The following GNPDA2 variants were observed in gnomAD, a reference collection of about 807,000 sequenced individuals.
GNPDA2 encodes the protein glucosamine-6-phosphate deaminase 2.
A neutral mutation model predicts 27.0 loss-of-function variants in GNPDA2; 24 were observed. The ratio of observed to expected loss-of-function variants is 0.89; its 90% CI spans 0.64 to 1.25. The LOEUF (loss-of-function observed/expected upper bound fraction) is 1.25, where lower values mean the gene tolerates loss of function less well. Ranked by LOEUF, GNPDA2 falls within the 50% of genes most tolerant of loss-of-function variation. The pLI is 0.00. For synonymous variants in GNPDA2, 94 were observed against 108.4 expected, an observed-to-expected ratio of 0.87 and a Z score of 0.83; for missense variants, 286 against 335.1, an observed-to-expected ratio of 0.85 and a Z score of 1.14.
intron 4 of GNPDA2, chr4:44,714,508 T>C (rs1319886743): frequency 7.1e-6 from 7 of 985,290 alleles, no homozygotes; most frequent in Admixed American, 6.2e-5. Context: ...TGAGCTCTTC[T>C]CATTCTACTG....
In GNPDA2 at chr4:44,705,714, AC is replaced by A. The variant is rs760283938; in HGVS notation, c.769+2037del. 3.3e-5 allele frequency: 5 copies of A among 152,832 alleles called. No individual in the cohort carries two copies. The South Asian group carries it at 6.2e-4, about 19-fold the overall frequency. 9.5% of individuals were successfully genotyped at this position (152,832 alleles called of 1,614,324 possible). A position where few individuals can be genotyped will look rare whatever the true frequency, so the allele number is the denominator to read the frequency against. On this transcript the variant is annotated intron_variant, in intron 6 of 6. Transcript: ENST00000295448. ...TCTGGGAGGCAGTATAATAGAATAG[AC>A]AAAAGCCTGCATACTCCAGAGATCA...
rs1716341197 is a variant in GNPDA2 at position 44,702,531 on chromosome 4, T to A, written c.*550A>T. The A allele has an allele frequency of 1.0e-6, 1 of 986,362 alleles. No individual in the cohort carries two copies. Among genetic ancestry groups the A allele is most frequent in the African/African-American group, 1.7e-5 (1 of 57,380 alleles). The allele number at this position is 986,362 out of a possible 1,614,324, so 61.1% of individuals were successfully genotyped here. On this transcript the variant is annotated 3_prime_UTR_variant, in exon 7 of 7. Transcript: ENST00000295448. ...TAAACTGTACTTTTAGGCACTGTCA[T>A]CTCTTCAAATTTCCTTTACCAATGA... is the stretch of plus-strand genomic sequence containing the variant.
intron 2 of GNPDA2, 110 bp downstream of exon 2, chr4:44,721,974 T>G (rs1717698716): frequency 1.3e-6 from 1 of 798,502 alleles, no homozygotes. Flanking sequence ...GTTCAATTAG[T>G]GACATGCCAA....
chr4:44,724,719 G>A (rs948715729), intron 1 of GNPDA2, among the ~76,000 whole-genome samples: 2 of 152,096 alleles, frequency 1.3e-5, no homozygotes, highest in South Asian at 2.1e-4. Context: ...TAAAATAAAT[G>A]TATGGAATCT....
chr4:44,711,152 A>G lies in GNPDA2; in HGVS notation c.410-15T>C, dbSNP rs201422088. On this transcript the variant is annotated splice_polypyrimidine_tract_variant and intron_variant, in intron 4 of 6. Coordinates refer to ENST00000295448, the MANE Select transcript of GNPDA2 (RefSeq NM_138335.3). ...TGGACCAATTCCTTTCAAAAGAAAT[A>G]TACATACATATACACATGAAGTAAA... is the stretch of plus-strand genomic sequence containing the variant. The G allele has an allele frequency of 6.8e-7, 1 of 1,477,300 alleles. No individual in the cohort carries two copies. Among genetic ancestry groups the G allele is most frequent in the Admixed American group, 2.3e-5 (1 of 43,102 alleles). The allele number at this position is 1,477,300 out of a possible 1,614,324, so 91.5% of individuals were successfully genotyped here. A position where few individuals can be genotyped will look rare whatever the true frequency, so the allele number is the denominator to read the frequency against.
In GNPDA2 at chr4:44,710,337, A is replaced by G. The variant is rs115145914; in HGVS notation, c.594+616T>C. Among the ~76,000 whole-genome samples, 475 of 152,244 alleles carry G rather than the reference A, an allele frequency of 3.1e-3. 2 individuals are homozygous for G. Among genetic ancestry groups the G allele is most frequent in the African/African-American group, 0.011 (451 of 41,536 alleles). On this transcript the variant is annotated intron_variant, in intron 5 of 6. Coordinates refer to ENST00000295448, the MANE Select transcript of GNPDA2 (RefSeq NM_138335.3). The stretch of plus-strand genomic sequence containing the variant: ...AAGGAACAGAGTTCTGGGTTTCCAT[A>G]TAATTTAACTACATATAACCACGAA...
At chr4:44,705,258 A>T (rs1040095761) in intron 6 of GNPDA2, 1 of 981,284 alleles carries the variant, frequency 1.0e-6, no homozygotes, top group African/African-American at 1.7e-5. Flanking sequence ...TATGAAAAGT[A>T]TACAAACTAC....
chr4:44,721,258 C>T (rs554485283), intron 2 of GNPDA2, among the ~76,000 whole-genome samples: 58 of 152,232 alleles, frequency 3.8e-4, no homozygotes, highest in African/African-American at 1.3e-3. Flanking sequence ...ATAAAACACA[C>T]GGGAACTATA....
intron 4 of GNPDA2, among the ~76,000 whole-genome samples, chr4:44,713,433 T>A (rs1717092030): frequency 6.6e-6 from 1 of 152,216 alleles, no homozygotes; most frequent in Non-Finnish European, 1.5e-5. Flanking sequence ...TAACTTTTCC[T>A]TCAGTTTGTG....
chr4:44,719,464 C>T (rs1050221296), intron 2 of GNPDA2, among the ~76,000 whole-genome samples: 1 of 152,006 alleles, frequency 6.6e-6, no homozygotes, highest in African/African-American at 2.4e-5. Flanking sequence ...AAATACCACA[C>T]AGCAGAAGAA....
intron 6 of GNPDA2, chr4:44,703,578 G>A (rs1133648): frequency 0.62 from 603,410 of 979,910 alleles, 188,298 homozygotes; most frequent in Non-Finnish European, 0.64. Flanking sequence ...CTATCCATTC[G>A]TCTGGTAAAT....
intron 2 of GNPDA2, among the ~76,000 whole-genome samples, chr4:44,721,061 A>C (rs1717633121): frequency 6.6e-6 from 1 of 151,898 alleles, no homozygotes; most frequent in African/African-American, 2.4e-5. Flanking sequence ...CCAGTGAAAA[A>C]AAAAAAACCC....
At chr4:44,716,608 ATTAAC>A (rs1717307985) in intron 4 of GNPDA2, among the ~76,000 whole-genome samples, 1 of 151,922 alleles carries the variant, frequency 6.6e-6, no homozygotes, top group Non-Finnish European at 1.5e-5. Context: ...CTTAACTCAT[ATTAAC>A]TTAAGGCTGG....
At chr4:44,707,464 T>G (rs1716677069) in intron 6 of GNPDA2, 1 of 394,862 alleles carries the variant, frequency 2.5e-6, no homozygotes, top group African/African-American at 2.1e-5. Flanking sequence ...TTGGGTTATT[T>G]GGTCTTGTAT....
chr4:44,703,647 T>G (rs558241112), intron 6 of GNPDA2: 4 of 984,034 alleles, frequency 4.1e-6, no homozygotes, highest in Middle Eastern at 5.2e-4. Context: ...AATTCTACAC[T>G]GAGGGAGGGT....
intron 6 of GNPDA2, chr4:44,706,922 C>T (rs1716642045): frequency 6.6e-6 from 1 of 151,992 alleles, no homozygotes; most frequent in Non-Finnish European, 1.5e-5. Flanking sequence ...CATAGTGAAT[C>T]ACTGACCTAT....
chr4:44,716,064 G>A (rs1412838769), intron 4 of GNPDA2, among the ~76,000 whole-genome samples: 1 of 151,890 alleles, frequency 6.6e-6, no homozygotes, highest in Non-Finnish European at 1.5e-5. Flanking sequence ...ACAAATTTTG[G>A]AATGTTTAAT....
Position 44,711,031 on chromosome 4 carries a change from T to C in GNPDA2, c.516A>G (p.Lys172=). The change falls in exon 5 of 7, where the codon AAA becomes AAG. Residue 172 remains lysine, a synonymous_variant. Coordinates refer to ENST00000295448, the MANE Select transcript of GNPDA2 (RefSeq NM_138335.3). Reference sequence around the variant, plus strand: ...CTTTTGATAAATCTCCATCAAAATATTTGGCATTTGCCAAGATGGTATCCA... The same window carrying C: ...CTTTTGATAAATCTCCATCAAAATACTTGGCATTTGCCAAGATGGTATCCA... ...LAMDTILANA[K]YFDGDLSKVP... The C allele has an allele frequency of 6.2e-7, 1 of 1,613,572 alleles. No individual in the cohort carries two copies. The highest frequency in any genetic ancestry group is 8.5e-7 in the Non-Finnish European group (1 of 1,179,698).
intron 6 of GNPDA2, chr4:44,705,219 A>G (rs1317231339): frequency 2.0e-6 from 2 of 980,608 alleles, no homozygotes; most frequent in African/African-American, 3.5e-5. Flanking sequence ...ATCCTCCAGT[A>G]TTTTGATATA....
Sources: gnomAD v4.1 joint callset for allele counts (sites outside exome capture counted in the v4.1 genomes callset) on GRCh38, gnomAD v4.1.1 for gene constraint, MANE v1.5 for transcripts, NCBI Gene and HGNC (gene_info 2026-07-23, HGNC 2026-07-21) for gene names.